GRIPAP1: variants seen among roughly 807,000 people sequenced by gnomAD.
GRIPAP1 encodes GRIP1 associated protein 1.
Under a neutral mutation model 84.1 loss-of-function variants are expected in GRIPAP1, and 14 were observed. The ratio of observed to expected loss-of-function variants is 0.17; its 90% confidence interval spans 0.11 to 0.26. The LOEUF (loss-of-function observed/expected upper bound fraction) is 0.26. Among genes scored for constraint, GRIPAP1 ranks in the 10% least tolerant of loss-of-function variants. The pLI is 1.00. For synonymous variants in GRIPAP1, 261 were observed against 256.8 expected, an observed-to-expected ratio of 1.02 and a Z score of -0.15; for missense variants, 518 against 674.2, an observed-to-expected ratio of 0.77 and a Z score of 2.57.
intron 1 of GRIPAP1, among the ~76,000 whole-genome samples, chrX:49,001,950 C>T (rs1431003057): frequency 1.8e-5 from 2 of 110,879 alleles, no homozygotes; most frequent in African/African-American, 6.6e-5. Flanking sequence ...AGTAAGGTAC[C>T]GCCTACTTAA....
chrX:48,978,179 T>C lies in GRIPAP1; in HGVS notation c.2061+126A>G, dbSNP rs2064432872. 19 of 731,899 alleles carry C rather than the reference T, an allele frequency of 2.6e-5. No individual in the cohort carries two copies. In the South Asian group the frequency reaches 5.3e-4, roughly 20 times the overall value. 60.3% of individuals were successfully genotyped at this position (731,899 alleles called of 1,213,427 possible). A position where few individuals can be genotyped will look rare whatever the true frequency, so the allele number is the denominator to read the frequency against. ...CCAAGTTGGTGGGCTTGGGGAAAAG[T>C]TGACAAGAAAATATGTGTGCTGCGC... On this transcript the variant is annotated intron_variant, in intron 22 of 25. Coordinates refer to ENST00000376423, the MANE Select transcript of GRIPAP1 (RefSeq NM_020137.5).
chrX:48,994,248 G>C (rs1473981924), intron 5 of GRIPAP1, among the ~76,000 whole-genome samples: 1 of 96,117 alleles, frequency 1.0e-5, no homozygotes, highest in Non-Finnish European at 2.1e-5. Flanking sequence ...TTTTGAGATG[G>C]AGTCTCGCTC....
rs1449996458 is a variant in GRIPAP1, at chrX:48,974,074, A to C, written c.*119T>G. The C allele has an allele frequency of 1.3e-5, 6 of 472,544 alleles. No individual in the cohort carries two copies. The African/African-American group carries it at 1.5e-4, about 12-fold the overall frequency. 38.9% of individuals were successfully genotyped at this position (472,544 alleles called of 1,213,427 possible). On this transcript the variant is annotated 3_prime_UTR_variant, in exon 26 of 26. Transcript: ENST00000376423. ...TAACCATCAGGCCTCTAGCCCCTTT[A>C]ATGTCCAGTCTCCCAAGCTATTTGA...
intron 16 of GRIPAP1, 41 bp downstream of exon 16, chrX:48,983,187 A>T: frequency 8.6e-7 from 1 of 1,167,333 alleles, no homozygotes; most frequent in South Asian, 1.8e-5. Flanking sequence ...TGTGGTTCCC[A>T]GGTTTTAGAG....
chrX:48,999,263 T>A lies in GRIPAP1; in HGVS notation c.146A>T (p.Asp49Val). ...CTTCTGAGCTTTGCTGAACTCCTTA[T>A]CCAAGTAGGCGACCTTCTGTCGAAG... Reference protein sequence around the residue: ...TSLRQKVAYLDKEFSKAQKAL... With the variant: ...TSLRQKVAYLVKEFSKAQKAL... Residue 49 changes from aspartate (D) to valine (V), a missense_variant, in exon 3 of 26, where the codon GAT (aspartate) becomes GTT (valine). Coordinates refer to ENST00000376423, the MANE Select transcript of GRIPAP1 (RefSeq NM_020137.5). The A allele has an allele frequency of 8.3e-7, 1 of 1,208,813 alleles. No homozygotes were observed. The highest frequency in any genetic ancestry group is 1.8e-5 in the South Asian group (1 of 56,913).
At chrX:48,990,238 A>T (rs1557065093) in intron 8 of GRIPAP1, among the ~76,000 whole-genome samples, 1 of 111,533 alleles carries the variant, frequency 9.0e-6, no homozygotes, top group African/African-American at 3.3e-5. Flanking sequence ...CAGCAACAAC[A>T]ATATTATCTC....
chrX:48,980,225 TTGTGTGTGTGTGTGTGTGTGTG>T (rs781796368), intron 21 of GRIPAP1, among the ~76,000 whole-genome samples: 4 of 90,550 alleles, frequency 4.4e-5, no homozygotes, highest in Non-Finnish European at 6.5e-5. Flanking sequence ...GCAACTAAAG[TTGTGTGTGTGTGTGTGTGTGTG>T]TGTGTGTGTG....
In GRIPAP1 at chrX:48,993,497, C is replaced by A; in HGVS notation, c.388G>T (p.Gly130Trp). The stretch of plus-strand genomic sequence containing the variant: ...AGCAGCTCCCCATCCACGAGGGGCC[C>A]AGCTTGGGCAACCCCTGCTCCTGCA... ...GAAGAGVAQA[G>W]PLVDGELLRL... The change falls in exon 6 of 26, where the codon GGG becomes TGG. Residue 130 changes from glycine to tryptophan, a missense_variant. Transcript: ENST00000376423. 1 of 1,191,402 alleles carries A rather than the reference C, an allele frequency of 8.4e-7. No individual in the cohort carries two copies. The highest frequency in any genetic ancestry group is 1.1e-6 in the Non-Finnish European group (1 of 884,948).
rs374710087 is a variant in GRIPAP1, at chrX:49,002,241, C to A, written c.-12G>T. ...AGAGCTTGCGCCATGTTCCTCCCCC[C>A]ACCCCCCCGCCAGCTTTCTGCGCAG... On this transcript the variant is annotated 5_prime_UTR_variant, in exon 1 of 26. Coordinates refer to ENST00000376423, the MANE Select transcript of GRIPAP1 (RefSeq NM_020137.5). 48 of 1,106,329 alleles carry A rather than the reference C, an allele frequency of 4.3e-5. No homozygotes were observed. Among genetic ancestry groups the A allele is most frequent in the African/African-American group, 5.5e-5 (3 of 54,697 alleles). 91.2% of individuals were successfully genotyped at this position (1,106,329 alleles called of 1,213,427 possible).
In GRIPAP1 at chrX:48,983,301, C is replaced by T. The variant is rs868940708; in HGVS notation, c.1412G>A (p.Arg471His). ...GTCTTCATGCAGCTCTCGGAGCTCACGCTCATAGCGGGCACGCACCCCCAG... is the reference window on the plus strand; with the variant it reads ...GTCTTCATGCAGCTCTCGGAGCTCATGCTCATAGCGGGCACGCACCCCCAG... Reference protein sequence around the residue: ...EVLGVRARYERELRELHEDKK... With the variant: ...EVLGVRARYEHELRELHEDKK... Residue 471 changes from arginine to histidine, a missense_variant, in exon 16 of 26, where the codon CGT becomes CAT. Arg to His is a conservative substitution (Grantham distance 29, BLOSUM62 0). Around this residue, in one of 5 missense-constraint regions of GRIPAP1, gnomAD observed 372 missense variants for 458.1 expected, o/e 0.81. Coordinates refer to ENST00000376423, the MANE Select transcript of GRIPAP1 (RefSeq NM_020137.5). 7 of 1,211,054 alleles carry T rather than the reference C, an allele frequency of 5.8e-6. No homozygotes were observed. Among genetic ancestry groups the T allele is most frequent in the South Asian group, 1.8e-5 (1 of 56,939 alleles).
rs1557062129 is a variant in GRIPAP1 at position 48,981,426 on chromosome X, C to G, written c.1820G>C (p.Gly607Ala). 3 of 1,210,266 alleles carry G rather than the reference C, an allele frequency of 2.5e-6. No homozygotes were observed. Among genetic ancestry groups the G allele is most frequent in the Non-Finnish European group, 3.4e-6 (3 of 894,636 alleles). The change falls in exon 20 of 26, where the codon GGC becomes GCC. Residue 607 changes from glycine (G) to alanine (A), a missense_variant. By Grantham distance (60) the Gly-to-Ala change is moderately conservative. Coordinates refer to ENST00000376423, the MANE Select transcript of GRIPAP1 (RefSeq NM_020137.5). ...VDGQRILEKK[G>A]SAALKDLKRQ... ...ACCGCTCTGTCTTACCGCAGCACTG[C>G]CCTTCTTCTCCAGGATCCTCTGCCC...
chrX:48,980,842 C>T, intron 21 of GRIPAP1: 1 of 197,327 alleles, frequency 5.1e-6, no homozygotes, highest in Non-Finnish European at 9.2e-6. Context: ...GAGATCACAC[C>T]ATTGCACTCC....
Position 48,973,966 on chromosome X carries a change from CAAG to C in GRIPAP1, c.*224_*226del, listed in dbSNP as rs782504871. 24 of 313,010 alleles carry C rather than the reference CAAG, an allele frequency of 7.7e-5. No individual in the cohort carries two copies. The highest frequency in any genetic ancestry group is 2.8e-4 in the South Asian group (2 of 7,065). 25.8% of individuals were successfully genotyped at this position (313,010 alleles called of 1,213,427 possible). A position where few individuals can be genotyped will look rare whatever the true frequency, so the allele number is the denominator to read the frequency against. ...GACAGAAGCCCTTGGGAGCCAGGAC[CAAG>C]AAGAAGGAGAAATCCCTGCCCCTTC... On this transcript the variant is annotated 3_prime_UTR_variant, in exon 26 of 26. Coordinates refer to ENST00000376423, the MANE Select transcript of GRIPAP1 (RefSeq NM_020137.5).
In GRIPAP1 at chrX:48,997,910, C is replaced by A. The variant is rs781893084; in HGVS notation, c.198+244G>T. On this transcript the variant is annotated intron_variant, in intron 4 of 25. Coordinates refer to ENST00000376423, the MANE Select transcript of GRIPAP1 (RefSeq NM_020137.5). ...GAGAAATGAGTCAGAGAGACAGGAACAGGAAAACAGACAGAGACAGAAAGA... is the reference window on the plus strand; with the variant it reads ...GAGAAATGAGTCAGAGAGACAGGAAAAGGAAAACAGACAGAGACAGAAAGA... 3.2e-4 allele frequency: 127 copies of A among 398,437 alleles called. 1 individual carries two copies. The East Asian group carries it at 5.3e-3, about 17-fold the overall frequency. 32.8% of individuals were successfully genotyped at this position (398,437 alleles called of 1,213,427 possible).
chrX:48,986,587 G>T (rs992534476), intron 13 of GRIPAP1, among the ~76,000 whole-genome samples: 8 of 109,179 alleles, frequency 7.3e-5, no homozygotes, highest in Admixed American at 2.0e-4. Context: ...TAGAGACGGG[G>T]TTTCACCATA....
intron 5 of GRIPAP1, among the ~76,000 whole-genome samples, chrX:48,995,567 G>T (rs995643735): frequency 9.0e-6 from 1 of 111,359 alleles, no homozygotes; most frequent in Admixed American, 9.6e-5. Context: ...AGAGGCTAAG[G>T]CAAAGCAGGG....
intron 24 of GRIPAP1, 32 bp from the exon 25 acceptor site, chrX:48,975,341 C>T (rs782743143): frequency 1.7e-5 from 20 of 1,186,509 alleles, no homozygotes; most frequent in Admixed American, 6.8e-5. Context: ...ACCACCCCCT[C>T]GGCAGAGCCA....
At chrX:48,976,498 C>G (rs782302648) in intron 22 of GRIPAP1, 135 bp from the exon 23 acceptor site, 2 of 744,116 alleles carry the variant, frequency 2.7e-6, no homozygotes, top group African/African-American at 4.3e-5. Flanking sequence ...GACTGTTGGC[C>G]CATCTTGGTA....
Position 48,997,861 on chromosome X carries a change from G to A in GRIPAP1, c.198+293C>T, listed in dbSNP as rs782102771. 3 of 373,219 alleles carry A rather than the reference G, an allele frequency of 8.0e-6. No individual in the cohort carries two copies. The East Asian group carries it at 1.4e-4, about 18-fold the overall frequency. 30.8% of individuals were successfully genotyped at this position (373,219 alleles called of 1,213,427 possible). On this transcript the variant is annotated intron_variant, in intron 4 of 25. Coordinates refer to ENST00000376423, the MANE Select transcript of GRIPAP1 (RefSeq NM_020137.5). Reference sequence around the variant, plus strand: ...ATCACCGAGACAGGAACAGGAGGGGGAGAGACAAAGAGAAGATTGGGAAGA... The same window carrying A: ...ATCACCGAGACAGGAACAGGAGGGGAAGAGACAAAGAGAAGATTGGGAAGA...
Sources: gnomAD v4.1 joint callset for allele counts (sites outside exome capture counted in the v4.1 genomes callset) on GRCh38, gnomAD v4.1.1 for gene constraint, gnomAD v4.1.1 regional missense constraint, MANE v1.5 for transcripts, NCBI Gene and HGNC (gene_info 2026-07-23, HGNC 2026-07-21) for gene names.